Variants in SLC19A3 observed in about 807,000 individuals in gnomAD.
The protein encoded by SLC19A3 is solute carrier family 19 member 3.
In SLC19A3, 31 loss-of-function variants were observed where a neutral mutation model predicts 40.2. That is an observed-to-expected ratio of 0.77 (90% confidence interval 0.58 to 1.04). The LOEUF (loss-of-function observed/expected upper bound fraction) is 1.04, where lower values mean the gene tolerates loss of function less well. Among genes scored for constraint, SLC19A3 ranks in the 50% least tolerant of loss-of-function variants. SLC19A3 has a pLI of 0.00. For missense variants in SLC19A3, 592 were observed against 596.7 expected, an observed-to-expected ratio of 0.99 and a Z score of 0.08; for synonymous variants, 212 against 227.5, an observed-to-expected ratio of 0.93 and a Z score of 0.61.
At chr2:227,714,143 C>T (rs762539464) in intron 1 of SLC19A3, among the ~76,000 whole-genome samples, 11 of 152,236 alleles carry the variant, frequency 7.2e-5, no homozygotes, top group Admixed American at 2.6e-4. Context: ...GAAATGCATC[C>T]TATTCTCCCT....
At chr2:227,717,877 C>T in intron 1 of SLC19A3, 66 bp downstream of exon 1, 1 of 978,696 alleles carries the variant, frequency 1.0e-6, no homozygotes, top group Non-Finnish European at 1.2e-6. Context: ...AAGAGAGAGG[C>T]GACACTGCTA....
chr2:227,693,640 C>T (rs1695315761), intron 4 of SLC19A3, among the ~76,000 whole-genome samples: 1 of 152,124 alleles, frequency 6.6e-6, no homozygotes, highest in African/African-American at 2.4e-5. Context: ...GAAACAACTA[C>T]AAGAAAACAT....
chr2:227,702,640 G>T (rs772560425), intron 1 of SLC19A3: 1 of 330,394 alleles, frequency 3.0e-6, no homozygotes, highest in Non-Finnish European at 5.8e-6. Flanking sequence ...TGAGGAAATT[G>T]CTTGAAATGC....
chr2:227,687,229 A>G lies in SLC19A3; in HGVS notation c.*168T>C. The G allele has an allele frequency of 1.5e-6, 1 of 657,626 alleles. No individual in the cohort carries two copies. Among genetic ancestry groups the G allele is most frequent in the South Asian group, 2.1e-5 (1 of 47,846 alleles). 40.7% of individuals were successfully genotyped at this position (657,626 alleles called of 1,614,324 possible). A position where few individuals can be genotyped will look rare whatever the true frequency, so the allele number is the denominator to read the frequency against. On this transcript the variant is annotated 3_prime_UTR_variant, in exon 6 of 6. Transcript: ENST00000644224. ...AATTGCATCCAGTAAAATTGGTCACATAGAGAACTCATCTAAAACTGAGGT... is the reference window on the plus strand; with the variant it reads ...AATTGCATCCAGTAAAATTGGTCACGTAGAGAACTCATCTAAAACTGAGGT...
chr2:227,702,041 T>G, intron 2 of SLC19A3, 128 bp downstream of exon 2: 2 of 781,808 alleles, frequency 2.6e-6, no homozygotes, highest in Non-Finnish European at 4.3e-6. Flanking sequence ...GGGACACATA[T>G]TATGAAAATC....
rs1694950155 is a variant in SLC19A3, at chr2:227,684,572, G to A, written c.*2825C>T. ...TCTGACCGCCTCAGCCTCCCAAAGTGTTGGGATTACAGGCGTGAGCCACTG... is the reference window on the plus strand; with the variant it reads ...TCTGACCGCCTCAGCCTCCCAAAGTATTGGGATTACAGGCGTGAGCCACTG... On this transcript the variant is annotated 3_prime_UTR_variant, in exon 6 of 6. Transcript: ENST00000644224. 6.6e-6 allele frequency: 1 copy of A among 152,396 alleles called. No individual in the cohort carries two copies. The highest frequency in any genetic ancestry group is 1.9e-4 in the East Asian group (1 of 5,188). The allele number at this position is 152,396 out of a possible 1,614,324, so 9.4% of individuals were successfully genotyped here. A position where few individuals can be genotyped will look rare whatever the true frequency, so the allele number is the denominator to read the frequency against.
intron 1 of SLC19A3, chr2:227,714,598 G>A (rs1445024133): frequency 1.4e-5 from 14 of 984,112 alleles, no homozygotes; most frequent in Non-Finnish European, 1.7e-5. Context: ...TTCAGACAGA[G>A]CTGCCAAGAG....
intron 2 of SLC19A3, among the ~76,000 whole-genome samples, chr2:227,700,022 C>T (rs1695619248): frequency 6.6e-6 from 1 of 151,818 alleles, no homozygotes. Flanking sequence ...GGATTACAGG[C>T]ACCCGCCATC....
chr2:227,704,450 T>G (rs1574569414), intron 1 of SLC19A3, among the ~76,000 whole-genome samples: 1 of 152,352 alleles, frequency 6.6e-6, no homozygotes, highest in East Asian at 1.9e-4. Flanking sequence ...CTTGGAGCAT[T>G]CTGTGAGGCA....
intron 1 of SLC19A3, among the ~76,000 whole-genome samples, chr2:227,708,345 C>T (rs1696021873): frequency 6.6e-6 from 1 of 152,126 alleles, no homozygotes; most frequent in African/African-American, 2.4e-5. Context: ...GTTGTAGTCT[C>T]TTTGTATCAG....
At position 227,687,018 on chromosome 2, in the gene SLC19A3, C is replaced by CTTAAATAGGAGGAGAAAT. The variant is rs1156306138; in HGVS notation, c.*378_*379insATTTCTCCTCCTATTTAA. 2 of 174,870 alleles carry CTTAAATAGGAGGAGAAAT rather than the reference C, an allele frequency of 1.1e-5. No individual in the cohort carries two copies. Among genetic ancestry groups the CTTAAATAGGAGGAGAAAT allele is most frequent in the African/African-American group, 4.8e-5 (2 of 41,924 alleles). The allele number at this position is 174,870 out of a possible 1,614,324, so 10.8% of individuals were successfully genotyped here. A position where few individuals can be genotyped will look rare whatever the true frequency, so the allele number is the denominator to read the frequency against. On this transcript the variant is annotated 3_prime_UTR_variant, in exon 6 of 6. Transcript: ENST00000644224. ...AAGTATTTAAGCCTAGCAATAGGGT[C>CTTAAATAGGAGGAGAAAT]AGTCCAGTTAGTATTTCTCCTCACA...
At chr2:227,690,194 A>G (rs375967641) in intron 4 of SLC19A3, among the ~76,000 whole-genome samples, 1 of 152,308 alleles carries the variant, frequency 6.6e-6, no homozygotes, top group East Asian at 1.9e-4. Flanking sequence ...AAAAAGACCC[A>G]ATGACCTGTT....
In SLC19A3 at chr2:227,688,239, G is replaced by A. The variant is rs575776889; in HGVS notation, c.1241C>T (p.Ala414Val). The A allele has an allele frequency of 6.2e-7, 1 of 1,613,892 alleles. No individual in the cohort carries two copies. The highest frequency in any genetic ancestry group is 1.1e-5 in the South Asian group (1 of 91,076). ...AGTCATGATGGTCTGAATCACCAAG[G>A]CAATAAAGGTGTTGATTCCAAATAC... Reference protein sequence around the residue: ...ALVFGINTFIALVIQTIMTVI... With the variant: ...ALVFGINTFIVLVIQTIMTVI... Residue 414 changes from alanine (A) to valine (V), a missense_variant, in exon 5 of 6, where the codon GCC becomes GTC. Coordinates refer to ENST00000644224, the MANE Select transcript of SLC19A3 (RefSeq NM_025243.4).
At chr2:227,714,696 TC>T in intron 1 of SLC19A3, 1 of 277,588 alleles carries the variant, frequency 3.6e-6, no homozygotes. Context: ...ACATTTGAAA[TC>T]CCATCCAAAA....
intron 4 of SLC19A3, among the ~76,000 whole-genome samples, chr2:227,692,779 G>A (rs1233417984): frequency 1.3e-5 from 2 of 152,118 alleles, no homozygotes; most frequent in Non-Finnish European, 2.9e-5. Flanking sequence ...GCTTGCAGAC[G>A]ATATGATCTT....
Position 227,703,798 on chromosome 2 carries a change from C to T in SLC19A3, c.-2-1478G>A, listed in dbSNP as rs1457531899. On this transcript the variant is annotated intron_variant, in intron 1 of 5. Coordinates refer to ENST00000644224, the MANE Select transcript of SLC19A3 (RefSeq NM_025243.4). The surrounding 1 kb of genome is among the most constrained non-coding windows in gnomAD (Gnocchi z 4.7). ...TGGCTCTATATCCAGAGCCTCCTCT[C>T]CACCTTTGCTGACCACGGATTTGTT... Among the ~76,000 whole-genome samples, 2 of 152,148 alleles carry T rather than the reference C, an allele frequency of 1.3e-5. No individual in the cohort carries two copies. The highest frequency in any genetic ancestry group is 2.9e-5 in the Non-Finnish European group (2 of 68,030).
At position 227,703,919 on chromosome 2, in the gene SLC19A3, C is replaced by CT. The variant is rs1377980092; in HGVS notation, c.-2-1600dup. Among the ~76,000 whole-genome samples the CT allele has an allele frequency of 1.3e-5, 2 of 152,022 alleles. No individual in the cohort carries two copies. The highest frequency in any genetic ancestry group is 2.4e-5 in the African/African-American group (1 of 41,400). ...GCTAAAAGCCTGCTGGATTATCTAT[C>CT]TTTTTATTTCTTTAGGTTTCTAATA... On this transcript the variant is annotated intron_variant, in intron 1 of 5. Coordinates refer to ENST00000644224, the MANE Select transcript of SLC19A3 (RefSeq NM_025243.4). The surrounding 1 kb of genome is among the most constrained non-coding windows in gnomAD (Gnocchi z 4.7).
At position 227,686,895 on chromosome 2, in the gene SLC19A3, A is replaced by T. The variant is rs914609965; in HGVS notation, c.*502T>A. 1 of 152,788 alleles carries T rather than the reference A, an allele frequency of 6.5e-6. No homozygotes were observed. The highest frequency in any genetic ancestry group is 6.5e-5 in the Admixed American group (1 of 15,354). 9.5% of individuals were successfully genotyped at this position (152,788 alleles called of 1,614,324 possible). On this transcript the variant is annotated 3_prime_UTR_variant, in exon 6 of 6. Coordinates refer to ENST00000644224, the MANE Select transcript of SLC19A3 (RefSeq NM_025243.4). ...ACAAACATTGTAATTCTCTTAGAGA[A>T]CTGTAACTTAAACAGAAATACACTT...
chr2:227,712,363 C>T (rs928306241), intron 1 of SLC19A3, among the ~76,000 whole-genome samples: 1 of 125,366 alleles, frequency 8.0e-6, no homozygotes, highest in African/African-American at 2.8e-5. Context: ...AAATAAAGAA[C>T]CCCTGTAACT....
Sources: allele counts gnomAD v4.1 joint callset (sites outside exome capture counted in the v4.1 genomes callset), GRCh38; gene constraint gnomAD v4.1.1; non-coding constraint Gnocchi (gnomAD v3.1); transcripts MANE v1.5; gene names NCBI Gene and HGNC (gene_info 2026-07-23, HGNC 2026-07-21).